PCMTD1: variants seen among roughly 807,000 people sequenced by gnomAD.
PCMTD1 encodes the protein protein-L-isoaspartate O-methyltransferase domain-containing protein 1.
A neutral mutation model predicts 37.6 loss-of-function variants in PCMTD1; 12 were observed. The observed-to-expected ratio is 0.32, with a 90% confidence interval of 0.20 to 0.52. The LOEUF is 0.52. PCMTD1 is among the 20% of genes least tolerant of loss of function. The pLI is 0.97. For synonymous variants in PCMTD1, 117 were observed against 135.8 expected (o/e 0.86, Z 0.96); for missense variants, 235 against 421.3 (o/e 0.56, Z 3.87).
chr8:51,841,925 C>T (rs796978833), intron 3 of PCMTD1, among the ~76,000 whole-genome samples: 10 of 151,930 alleles, frequency 6.6e-5, no homozygotes, highest in African/African-American at 2.4e-4. Flanking sequence ...CCCTCAAGCC[C>T]GTTCATTTTC....
At chr8:51,878,248 TG>T (rs1563359244) in intron 1 of PCMTD1, among the ~76,000 whole-genome samples, 4 of 91,622 alleles carry the variant, frequency 4.4e-5, no homozygotes, top group Non-Finnish European at 1.2e-4. Flanking sequence ...ATTTTTTTTT[TG>T]GTTTTTTTTT....
intron 3 of PCMTD1, chr8:51,839,671 T>A: frequency 7.4e-6 from 7 of 951,196 alleles, no homozygotes; most frequent in Non-Finnish European, 8.8e-6. Context: ...TCCCCTTCAA[T>A]ACACTGTTGA....
chr8:51,878,238 AT>A (rs768002827), intron 1 of PCMTD1, among the ~76,000 whole-genome samples: 2 of 74,394 alleles, frequency 2.7e-5, no homozygotes, highest in African/African-American at 5.9e-5. Flanking sequence ...ATATTATGAG[AT>A]TTTTTTTTTG....
At chr8:51,860,032 C>T (rs1446323677) in intron 2 of PCMTD1, among the ~76,000 whole-genome samples, 6 of 152,214 alleles carry the variant, frequency 3.9e-5, no homozygotes, top group Admixed American at 1.3e-4. Flanking sequence ...CATCCTCCAT[C>T]CAACATAATG....
intron 3 of PCMTD1, among the ~76,000 whole-genome samples, chr8:51,834,312 C>A (rs1323412248): frequency 2.0e-5 from 3 of 151,986 alleles, no homozygotes; most frequent in Admixed American, 2.0e-4. Flanking sequence ...CTGCTTTGGC[C>A]CCGATGATCT....
At chr8:51,889,851 T>G (rs543807453) in intron 1 of PCMTD1, among the ~76,000 whole-genome samples, 87 of 136,788 alleles carry the variant, frequency 6.4e-4, no homozygotes, top group African/African-American at 2.1e-3. Flanking sequence ...CAAATGGCCA[T>G]ATGTAAGGAT....
intron 3 of PCMTD1, among the ~76,000 whole-genome samples, chr8:51,840,601 A>T (rs2038134034): frequency 2.0e-5 from 3 of 152,162 alleles, no homozygotes; most frequent in Admixed American, 2.0e-4. Context: ...TCCTTTAAAT[A>T]AGTGTAATTC....
intron 5 of PCMTD1, among the ~76,000 whole-genome samples, chr8:51,822,623 C>T (rs147099064): frequency 2.0e-3 from 302 of 152,278 alleles, no homozygotes; most frequent in African/African-American, 6.9e-3. Flanking sequence ...TAGGAGATTA[C>T]GTACTGAATG....
chr8:51,850,120 C>A, intron 2 of PCMTD1: 1 of 701,836 alleles, frequency 1.4e-6, no homozygotes, highest in South Asian at 1.5e-5. Context: ...GATTAAAGGT[C>A]AGATGTCTTG....
chr8:51,832,089 C>T (rs944106855), intron 4 of PCMTD1, among the ~76,000 whole-genome samples: 9 of 152,082 alleles, frequency 5.9e-5, no homozygotes, highest in South Asian at 4.1e-4. Context: ...TCACTGGTCA[C>T]GGGAAAAAAA....
At chr8:51,881,841 T>C (rs944460721) in intron 1 of PCMTD1, among the ~76,000 whole-genome samples, 3 of 152,186 alleles carry the variant, frequency 2.0e-5, no homozygotes, top group Non-Finnish European at 4.4e-5. Context: ...ATCTGAGCCC[T>C]GAATACTATT....
intron 1 of PCMTD1, among the ~76,000 whole-genome samples, chr8:51,873,866 T>G (rs1407395317): frequency 6.6e-6 from 1 of 152,134 alleles, no homozygotes; most frequent in Non-Finnish European, 1.5e-5. Context: ...CAAGCCTATT[T>G]TCTTTAAAAA....
At chr8:51,845,855 GTATT>G (rs950299159) in intron 2 of PCMTD1, 92 bp from the exon 3 acceptor site, 8 of 781,940 alleles carry the variant, frequency 1.0e-5, no homozygotes, top group African/African-American at 7.0e-5. Context: ...CATCACAGGA[GTATT>G]TAAAGATGGC....
chr8:51,894,754 T>C (rs188541469), intron 1 of PCMTD1, among the ~76,000 whole-genome samples: 265 of 142,818 alleles, frequency 1.9e-3, no homozygotes, highest in Admixed American at 3.8e-3. Flanking sequence ...TGAAGAAAGA[T>C]AGAAGAAATC....
intron 3 of PCMTD1, among the ~76,000 whole-genome samples, chr8:51,838,183 TATG>T (rs1423490300): frequency 6.6e-6 from 1 of 152,162 alleles, no homozygotes; most frequent in Non-Finnish European, 1.5e-5. Flanking sequence ...TCCAAAAGTC[TATG>T]ATTACAATTT....
At chr8:51,890,755 A>C (rs998802740) in intron 1 of PCMTD1, among the ~76,000 whole-genome samples, 4 of 152,216 alleles carry the variant, frequency 2.6e-5, no homozygotes, top group African/African-American at 4.8e-5. Context: ...TAAATGTAGA[A>C]ATCCCCTAAT....
intron 1 of PCMTD1, among the ~76,000 whole-genome samples, chr8:51,871,198 T>C (rs1435593572): frequency 6.6e-6 from 1 of 152,116 alleles, no homozygotes; most frequent in Non-Finnish European, 1.5e-5. Flanking sequence ...AAAGAGGAAC[T>C]AAAGAGAGTG....
intron 3 of PCMTD1, among the ~76,000 whole-genome samples, chr8:51,844,236 T>C (rs1230570962): frequency 6.6e-6 from 1 of 152,198 alleles, no homozygotes; most frequent in Admixed American, 6.5e-5. Context: ...GTGCTTTTCT[T>C]GGAACTAGGA....
intron 1 of PCMTD1, among the ~76,000 whole-genome samples, chr8:51,864,675 G>A (rs1585830585): frequency 1.3e-5 from 2 of 152,118 alleles, no homozygotes; most frequent in East Asian, 3.9e-4. Flanking sequence ...AATGAAAATG[G>A]AAACATAACA....
Sources: allele counts gnomAD v4.1 joint callset (sites outside exome capture counted in the v4.1 genomes callset), GRCh38; gene constraint gnomAD v4.1.1; transcripts MANE v1.5; gene names NCBI Gene and HGNC (gene_info 2026-07-23, HGNC 2026-07-21).